WDR41: variants seen among roughly 807,000 people sequenced by gnomAD.
WDR41 encodes WD repeat-containing protein 41.
Under a neutral mutation model 69.3 loss-of-function variants are expected in WDR41, and 63 were observed. That is an observed-to-expected ratio of 0.91 (90% CI 0.74 to 1.12). The LOEUF is 1.12. Ranked by LOEUF, WDR41 falls within the 50% of genes most tolerant of loss-of-function variation. WDR41 has a pLI of 0.00. For missense variants in WDR41, 543 were observed against 534.5 expected, an observed-to-expected ratio of 1.02 and a Z score of -0.16; for synonymous variants, 185 against 192.1, an observed-to-expected ratio of 0.96 and a Z score of 0.31.
In WDR41 at chr5:77,614,093, G is replaced by A. The variant is rs1455818867; in HGVS notation, c.42+6386C>T. The stretch of plus-strand genomic sequence containing the variant: ...GAGAAATGCAAATCAAAACCACAAC[G>A]AGATACCATCTCACACCAGTTAGAA... On this transcript the variant is annotated intron_variant, in intron 1 of 5. Transcript: ENST00000509971. 9.2e-5 allele frequency among the ~76,000 whole-genome samples: 14 copies of A among 152,090 alleles called. No homozygotes were observed. In the East Asian group the frequency reaches 1.5e-3, roughly 17 times the overall value.
chr5:77,466,269 G>A (rs1028000035), intron 2 of WDR41, among the ~76,000 whole-genome samples: 1 of 151,966 alleles, frequency 6.6e-6, no homozygotes, highest in African/African-American at 2.4e-5. Context: ...AATAAAAATA[G>A]ATTTCCTATG....
At chr5:77,568,610 G>A (rs560999530) in intron 1 of WDR41, among the ~76,000 whole-genome samples, 1 of 152,240 alleles carries the variant, frequency 6.6e-6, no homozygotes, top group South Asian at 2.1e-4. Context: ...TCCCCTAAAG[G>A]CCACATAGTT....
intron 1 of WDR41, among the ~76,000 whole-genome samples, chr5:77,526,668 A>G (rs1282699153): frequency 2.6e-5 from 4 of 152,080 alleles, no homozygotes; most frequent in African/African-American, 9.7e-5. Context: ...TTTTCACCCC[A>G]ATACACACAA....
intron 12 of WDR41, among the ~76,000 whole-genome samples, chr5:77,435,526 C>T (rs914929708): frequency 2.0e-5 from 3 of 152,144 alleles, no homozygotes; most frequent in Admixed American, 6.6e-5. Context: ...AGGATGCTGC[C>T]GCTGCTCCTC....
intron 1 of WDR41, among the ~76,000 whole-genome samples, chr5:77,490,592 C>CA (rs34282863): frequency 0.11 from 15,735 of 149,778 alleles, 1,022 homozygotes; most frequent in African/African-American, 0.19. Flanking sequence ...AAATGTTTTC[C>CA]AAAAAAAAAA....
intron 1 of WDR41, among the ~76,000 whole-genome samples, chr5:77,597,245 C>A: frequency 6.6e-6 from 1 of 152,072 alleles, no homozygotes. Context: ...CTCTAATAAG[C>A]CTATAATTCT....
chr5:77,547,629 T>C (rs1461490148), intron 1 of WDR41, among the ~76,000 whole-genome samples: 1 of 146,980 alleles, frequency 6.8e-6, no homozygotes, highest in Admixed American at 6.7e-5. Flanking sequence ...AAAGAAAACA[T>C]AGATGCCACA....
intron 1 of WDR41, among the ~76,000 whole-genome samples, chr5:77,602,681 C>T (rs1489707349): frequency 6.6e-6 from 1 of 152,122 alleles, no homozygotes; most frequent in East Asian, 1.9e-4. Context: ...GATTCCATAT[C>T]TTTGCTATTA....
intron 2 of WDR41, among the ~76,000 whole-genome samples, chr5:77,475,990 G>A (rs1800905288): frequency 1.3e-5 from 2 of 152,154 alleles, no homozygotes; most frequent in South Asian, 4.2e-4. Context: ...AGCTGATGGA[G>A]CTGAAAACCA....
chr5:77,499,798 G>A (rs375252516), intron 1 of WDR41, among the ~76,000 whole-genome samples: 90 of 152,224 alleles, frequency 5.9e-4, no homozygotes, highest in African/African-American at 2.0e-3. Context: ...AATCTAATTA[G>A]TGTAAACTGA....
In WDR41 at chr5:77,598,989, C is replaced by T. The variant is rs909573920; in HGVS notation, c.42+21490G>A. Among the ~76,000 whole-genome samples the T allele has an allele frequency of 2.6e-5, 4 of 151,862 alleles. No individual in the cohort carries two copies. In the East Asian group the frequency reaches 7.7e-4, roughly 29 times the overall value. On this transcript the variant is annotated intron_variant, in intron 1 of 5. Transcript: ENST00000509971. ...AATTTCAAACTTGAAGTCTTTAGAC[C>T]TTTAGGGATGTGCAATTACTAATAT...
chr5:77,463,785 A>G (rs1380683088), intron 3 of WDR41, among the ~76,000 whole-genome samples: 1 of 152,210 alleles, frequency 6.6e-6, no homozygotes, highest in Non-Finnish European at 1.5e-5. Flanking sequence ...CTAATTTACC[A>G]AGTAGTAAAC....
chr5:77,533,123 G>C (rs772812803), intron 1 of WDR41, among the ~76,000 whole-genome samples: 2 of 152,182 alleles, frequency 1.3e-5, no homozygotes, highest in African/African-American at 4.8e-5. Flanking sequence ...TCTCTCGGGA[G>C]AAGGAAGTAT....
intron 3 of WDR41, among the ~76,000 whole-genome samples, chr5:77,463,629 A>C (rs927479713): frequency 3.3e-5 from 5 of 152,212 alleles, no homozygotes; most frequent in African/African-American, 1.2e-4. Context: ...AAAAGTCACC[A>C]TAACAACTGT....
rs762843691 is a variant in WDR41 at position 77,440,863 on chromosome 5, A to G, written c.832T>C (p.Cys278Arg). 18 of 1,614,000 alleles carry G rather than the reference A, an allele frequency of 1.1e-5. No homozygotes were observed. The East Asian group carries it at 4.0e-4, about 36-fold the overall frequency. Residue 278 changes from cysteine to arginine, a missense_variant, in exon 9 of 13, where the codon TGT (cysteine) becomes CGT (arginine). Cys to Arg is a radical substitution (Grantham distance 180). Transcript: ENST00000296679. Reference protein sequence around the residue: ...QLDTQQEIKLCQKSNDISIHH... With the variant: ...QLDTQQEIKLRQKSNDISIHH... ...ATAGAAATGTCATTTGATTTTTGAC[A>G]GAGTTTTATTTCTTGTTGGGTGTCC...
chr5:77,512,262 T>C (rs921061521), intron 1 of WDR41, among the ~76,000 whole-genome samples: 9 of 151,840 alleles, frequency 5.9e-5, no homozygotes, highest in Middle Eastern at 3.4e-3. Flanking sequence ...AATTTTTAAG[T>C]TTCCCAGATG....
intron 2 of WDR41, among the ~76,000 whole-genome samples, chr5:77,479,076 C>T (rs1180023946): frequency 1.5e-4 from 23 of 152,066 alleles, no homozygotes; most frequent in Middle Eastern, 3.4e-3. Context: ...TTCACAATTG[C>T]TTCAAAGAGA....
Position 77,432,933 on chromosome 5 carries a change from G to T in WDR41, c.*202C>A, listed in dbSNP as rs1798781770. 6.0e-6 allele frequency: 3 copies of T among 496,738 alleles called. No homozygotes were observed. Among genetic ancestry groups the T allele is most frequent in the Middle Eastern group, 5.2e-4 (1 of 1,940 alleles). 30.8% of individuals were successfully genotyped at this position (496,738 alleles called of 1,614,324 possible). On this transcript the variant is annotated 3_prime_UTR_variant, in exon 13 of 13. Coordinates refer to ENST00000296679, the MANE Select transcript of WDR41 (RefSeq NM_018268.4). ...TCAAAGTCAAATGGAAAAACTTGTG[G>T]TATATTCTTTGGAGGATATACTAGG... is the stretch of plus-strand genomic sequence containing the variant.
intron 2 of WDR41, among the ~76,000 whole-genome samples, chr5:77,486,052 T>A (rs557611069): frequency 9.8e-5 from 15 of 152,354 alleles, no homozygotes; most frequent in Admixed American, 9.8e-4. Context: ...TGACAATGCA[T>A]AATGTACATA....
Sources: allele counts gnomAD v4.1 joint callset (sites outside exome capture counted in the v4.1 genomes callset), GRCh38; gene constraint gnomAD v4.1.1; transcripts MANE v1.5; gene names NCBI Gene and HGNC (gene_info 2026-07-23, HGNC 2026-07-21).